Variants in TUB observed in about 807,000 individuals in gnomAD.
TUB encodes the protein TUB bipartite transcription factor, also known as tubby protein homolog.
TUB carries 33 observed loss-of-function variants against 59.7 expected under a neutral mutation model. The ratio of observed to expected loss-of-function variants is 0.55; its 90% CI spans 0.42 to 0.74. TUB has a LOEUF of 0.74. Ranked by LOEUF, TUB falls within the 30% of genes least tolerant of loss-of-function variation. The pLI, the probability that TUB is intolerant of heterozygous loss-of-function variation, is 0.00. For missense variants in TUB, 659 were observed against 672.0 expected (o/e 0.98, Z 0.21); for synonymous variants, 293 against 256.4 (o/e 1.14, Z -1.36).
intron 2 of TUB, chr11:8,068,078 C>G (rs1943280966): frequency 1.3e-5 from 2 of 152,268 alleles, no homozygotes; most frequent in South Asian, 4.1e-4. Context: ...ATGGAATCCC[C>G]TGACGTCCCT....
chr11:8,074,796 G>C (rs1943421471), intron 2 of TUB, among the ~76,000 whole-genome samples: 1 of 140,578 alleles, frequency 7.1e-6, no homozygotes, highest in Non-Finnish European at 1.5e-5. Context: ...ACCGAGACTG[G>C]AGTGCAGTGG....
exon 1 of TUB, chr11:8,038,847 T>G (rs1395135847): frequency 6.2e-7 from 1 of 1,612,132 alleles, no homozygotes; most frequent in African/African-American, 1.3e-5. Context: ...GGACCATCCC[T>G]TAAACCCACT....
At chr11:8,100,717 C>T (rs1189643119) in intron 10 of TUB, 109 bp from the exon 11 acceptor site, 1 of 1,554,452 alleles carries the variant, frequency 6.4e-7, no homozygotes, top group Non-Finnish European at 8.8e-7. Context: ...TGAGAAAGCC[C>T]TGGAGGTCTA....
intron 1 of TUB, among the ~76,000 whole-genome samples, chr11:8,086,705 T>C (rs571791067): frequency 4.1e-4 from 63 of 152,284 alleles, no homozygotes; most frequent in Non-Finnish European, 6.9e-4. Context: ...AGCTGGGTCT[T>C]GCTCAGCCAG....
At chr11:8,037,723 G>A (rs958249986), upstream of TUB, among the ~76,000 whole-genome samples, 1 of 152,200 alleles carries the variant, frequency 6.6e-6, no homozygotes, top group Non-Finnish European at 1.5e-5. Flanking sequence ...CCAGGGCCTG[G>A]TAGTAGATAA....
Position 8,090,125 on chromosome 11 carries a change from G to A in TUB, c.147G>A (p.Gln49=). The change falls in exon 3 of 12, where the codon CAG becomes CAA. Residue 49 remains glutamine (Q), a synonymous_variant. Transcript: ENST00000299506. ...AGCGCCAGGAGCCCCTGATGGTGCA[G>A]GCCAATGCAGATGGGCGGCCCCGGA... ...KKKRQEPLMV[Q]ANADGRPRSR... is the part of the protein sequence containing the mutation. 6.2e-7 allele frequency: 1 copy of A among 1,613,520 alleles called. No homozygotes were observed. Among genetic ancestry groups the A allele is most frequent in the Non-Finnish European group, 8.5e-7 (1 of 1,179,826 alleles).
Position 8,101,898 on chromosome 11 carries a change from T to C in TUB, c.*279T>C. The C allele has an allele frequency of 2.3e-6, 1 of 442,738 alleles. No individual in the cohort carries two copies. Among genetic ancestry groups the C allele is most frequent in the Non-Finnish European group, 4.0e-6 (1 of 248,386 alleles). 27.4% of individuals were successfully genotyped at this position (442,738 alleles called of 1,614,324 possible). A position where few individuals can be genotyped will look rare whatever the true frequency, so the allele number is the denominator to read the frequency against. ...CACTCCCACCCTTGGGGTAGTAGTG[T>C]GTTGTAGTCGTACTTACCAAGCTGA... On this transcript the variant is annotated 3_prime_UTR_variant, in exon 12 of 12. Transcript: ENST00000299506.
chr11:8,020,181 AGTTT>A (rs963911684), intron 1 of TUB, among the ~76,000 whole-genome samples: 34 of 152,300 alleles, frequency 2.2e-4, no homozygotes, highest in Admixed American at 1.0e-3. Flanking sequence ...AGTAGATAGT[AGTTT>A]GTTTGTTTGT....
intron 2 of TUB, among the ~76,000 whole-genome samples, chr11:8,052,156 T>C (rs7117850): frequency 0.013 from 1,947 of 152,316 alleles, 45 homozygotes; most frequent in African/African-American, 0.044. Flanking sequence ...TACAAAATTG[T>C]CTTGGCTAAC....
At chr11:8,077,316 A>C (rs1267729735), upstream of TUB, 1 of 152,200 alleles carries the variant, frequency 6.6e-6, no homozygotes, top group East Asian at 1.9e-4. Context: ...CAAACGCCCT[A>C]GCTTGATGTT....
chr11:8,028,447 A>G (rs1942530118), intron 1 of TUB, among the ~76,000 whole-genome samples: 1 of 152,124 alleles, frequency 6.6e-6, no homozygotes, highest in Non-Finnish European at 1.5e-5. Flanking sequence ...ATGAAGTCCA[A>G]TTTGTCTTTT....
At chr11:8,091,740 C>CA (rs1011073126) in intron 3 of TUB, among the ~76,000 whole-genome samples, 1 of 152,184 alleles carries the variant, frequency 6.6e-6, no homozygotes, top group African/African-American at 2.4e-5. Context: ...AGCTGTCTCA[C>CA]AGAGGCAGCC....
intron 2 of TUB, among the ~76,000 whole-genome samples, chr11:8,058,836 T>A (rs1208004457): frequency 6.6e-6 from 1 of 151,360 alleles, no homozygotes; most frequent in East Asian, 2.0e-4. Flanking sequence ...GGTTGATTTC[T>A]GGGACAGTCA....
At position 8,095,801 on chromosome 11, in the gene TUB, G is replaced by T. The variant is rs563713781; in HGVS notation, c.565+136G>T. 48 of 964,748 alleles carry T rather than the reference G, an allele frequency of 5.0e-5. No individual in the cohort carries two copies. The South Asian group carries it at 8.7e-4, about 18-fold the overall frequency. 59.8% of individuals were successfully genotyped at this position (964,748 alleles called of 1,614,324 possible). Reference sequence around the variant, plus strand: ...GTGGGTGAGGGTGGGGCACACTTCGGAGACAAATGAGAAACTCTTAGGCAG... The same window carrying T: ...GTGGGTGAGGGTGGGGCACACTTCGTAGACAAATGAGAAACTCTTAGGCAG... On this transcript the variant is annotated intron_variant, in intron 5 of 11. Transcript: ENST00000299506.
intron 11 of TUB, 82 bp from the exon 12 acceptor site, chr11:8,101,404 G>C: frequency 2.6e-6 from 4 of 1,556,004 alleles, no homozygotes; most frequent in Middle Eastern, 1.7e-4. Context: ...CCCTCATGTG[G>C]TTTGGGTGTC....
chr11:8,073,515 G>A (rs1387287352), intron 2 of TUB, among the ~76,000 whole-genome samples: 1 of 152,194 alleles, frequency 6.6e-6, no homozygotes, highest in Non-Finnish European at 1.5e-5. Flanking sequence ...TTTGCTGGAG[G>A]ATATAAAGGA....
In TUB at chr11:8,098,859, T is replaced by G; in HGVS notation, c.1100T>G (p.Leu367Arg). 6.2e-7 allele frequency: 1 copy of G among 1,613,844 alleles called. No individual in the cohort carries two copies. The highest frequency in any genetic ancestry group is 2.2e-5 in the East Asian group (1 of 44,872). ...GAAAGTGGAACCTTACGTCAGGAGCTGGCAGCTGTGTGCTACGTGAGTCCT... is the reference window on the plus strand; with the variant it reads ...GAAAGTGGAACCTTACGTCAGGAGCGGGCAGCTGTGTGCTACGTGAGTCCT... ...TLESGTLRQE[L>R]AAVCYETNVL... Residue 367 changes from leucine (L) to arginine (R), a missense_variant, in exon 9 of 12, where the codon CTG becomes CGG. This residue lies in a region of TUB where 226 missense variants were observed against 210.8 expected (regional missense o/e 1.07). Coordinates refer to ENST00000299506, the MANE Select transcript of TUB (RefSeq NM_177972.3).
chr11:8,101,856 G>GATTTGGCGA lies in TUB; in HGVS notation c.*237_*238insATTTGGCGA. 3 of 482,852 alleles carry GATTTGGCGA rather than the reference G, an allele frequency of 6.2e-6. No homozygotes were observed. Among genetic ancestry groups the GATTTGGCGA allele is most frequent in the South Asian group, 3.7e-5 (1 of 26,826 alleles). 29.9% of individuals were successfully genotyped at this position (482,852 alleles called of 1,614,324 possible). On this transcript the variant is annotated 3_prime_UTR_variant, in exon 12 of 12. Coordinates refer to ENST00000299506, the MANE Select transcript of TUB (RefSeq NM_177972.3). ...AAGGGATGAGAATAATTCTTTCCAT[G>GATTTGGCGA]CCACGAGATCAACACACACTCCCAC...
rs765080408 is a variant in TUB, at chr11:8,106,168, TTATG to T, written c.*4555_*4558del. 7 of 152,226 alleles carry T rather than the reference TTATG, an allele frequency of 4.6e-5. No individual in the cohort carries two copies. The highest frequency in any genetic ancestry group is 1.0e-4 in the Non-Finnish European group (7 of 68,048). 9.4% of individuals were successfully genotyped at this position (152,226 alleles called of 1,614,324 possible). A position where few individuals can be genotyped will look rare whatever the true frequency, so the allele number is the denominator to read the frequency against. On this transcript the variant is annotated 3_prime_UTR_variant, in exon 12 of 12. Coordinates refer to ENST00000299506, the MANE Select transcript of TUB (RefSeq NM_177972.3). ...AACTTGGTATTTTCCCATGTTGACA[TTATG>T]TATGTTGTAGAATTTAGTGTTTGTC...
Sources: gnomAD v4.1 joint callset for allele counts (sites outside exome capture counted in the v4.1 genomes callset) on GRCh38, gnomAD v4.1.1 for gene constraint, gnomAD v4.1.1 regional missense constraint, MANE v1.5 for transcripts, NCBI Gene and HGNC (gene_info 2026-07-23, HGNC 2026-07-21) for gene names.